The following PAPOLA variants were observed in gnomAD, a reference collection of about 807,000 sequenced individuals.
PAPOLA encodes the protein poly(A) polymerase alpha.
In PAPOLA, 15 loss-of-function variants were observed where a neutral mutation model predicts 100.6. That is an observed-to-expected ratio of 0.15 (90% CI 0.10 to 0.23). The LOEUF (loss-of-function observed/expected upper bound fraction) is 0.23. PAPOLA is among the 10% of genes least tolerant of loss of function. The probability of loss-of-function intolerance (pLI) is 1.00; values close to 1 mark genes in which losing one functional copy is unlikely to be tolerated. For synonymous variants in PAPOLA, 293 were observed against 300.0 expected, an observed-to-expected ratio of 0.98 and a Z score of 0.24; for missense variants, 533 against 884.2, an observed-to-expected ratio of 0.60 and a Z score of 5.04.
intron 12 of PAPOLA, among the ~76,000 whole-genome samples, chr14:96,541,130 C>T (rs1028841041): frequency 5.3e-5 from 8 of 152,094 alleles, no homozygotes; most frequent in Non-Finnish European, 1.2e-4. Context: ...CCTTGTGATC[C>T]GCCCGCCTCG....
chr14:96,508,699 GAGACCA>G (rs1896899496), intron 1 of PAPOLA, among the ~76,000 whole-genome samples: 1 of 152,166 alleles, frequency 6.6e-6, no homozygotes, highest in African/African-American at 2.4e-5. Context: ...CAGGTAAAAT[GAGACCA>G]TTTGGCTTCT....
intron 1 of PAPOLA, among the ~76,000 whole-genome samples, chr14:96,503,864 C>T (rs180880147): frequency 6.6e-6 from 1 of 152,204 alleles, no homozygotes; most frequent in East Asian, 1.9e-4. Flanking sequence ...TGGCACAGAC[C>T]TTAATGACTT....
intron 16 of PAPOLA, among the ~76,000 whole-genome samples, chr14:96,551,585 A>C (rs1433699145): frequency 2.6e-5 from 4 of 152,162 alleles, no homozygotes; most frequent in African/African-American, 9.7e-5. Context: ...TAAGGAATGT[A>C]TTTTTGTCAA....
At chr14:96,536,943 G>A (rs765160878) in intron 11 of PAPOLA, 33 bp from the exon 12 acceptor site, 3 of 1,169,464 alleles carry the variant, frequency 2.6e-6, no homozygotes, top group Non-Finnish European at 3.9e-6. Context: ...GTAGACTGAA[G>A]TATGCAAACA....
chr14:96,544,316 T>C, intron 15 of PAPOLA, 58 bp downstream of exon 15: 1 of 792,676 alleles, frequency 1.3e-6, no homozygotes, highest in South Asian at 1.5e-5. Flanking sequence ...CAAATTGTCT[T>C]GATGCATACC....
chr14:96,547,010 C>T (rs1257863345), intron 15 of PAPOLA, among the ~76,000 whole-genome samples: 1 of 152,122 alleles, frequency 6.6e-6, no homozygotes, highest in East Asian at 1.9e-4. Context: ...GCTGAGCTTC[C>T]TATCCTACTC....
intron 1 of PAPOLA, among the ~76,000 whole-genome samples, chr14:96,516,157 G>A (rs1262891858): frequency 2.0e-5 from 3 of 152,134 alleles, no homozygotes; most frequent in African/African-American, 7.2e-5. Flanking sequence ...AATATTTAAT[G>A]TTTCTACTTT....
Position 96,556,406 on chromosome 14 carries a change from C to G in PAPOLA, c.1997C>G (p.Thr666Arg). 2 of 1,589,662 alleles carry G rather than the reference C, an allele frequency of 1.3e-6. No individual in the cohort carries two copies. The highest frequency in any genetic ancestry group is 1.7e-6 in the Non-Finnish European group (2 of 1,158,058). Residue 666 changes from threonine to arginine, a missense_variant, in exon 19 of 22, where the codon ACA becomes AGA. Thr to Arg is a moderately conservative substitution (Grantham distance 71). Transcript: ENST00000216277. ...GAAGAGAGTCCCAAGAAAACCAAAA[C>G]AGAAGAGGTATATATATGAAAAACA... Reference protein sequence around the residue: ...HKEESPKKTKTEEDETSEDAN... With the variant: ...HKEESPKKTKREEDETSEDAN...
rs1179219766 is a variant in PAPOLA, at chr14:96,565,827, A to C, written c.*777A>C. On this transcript the variant is annotated 3_prime_UTR_variant, in exon 22 of 22. Transcript: ENST00000216277. ...TTGCCTTCAATCTGTTGTCTTCAAA[A>C]CAAACAAACAAAAAAAGCTTCTTGC... 5.0e-6 allele frequency: 2 copies of C among 396,884 alleles called. No individual in the cohort carries two copies. The highest frequency in any genetic ancestry group is 4.2e-5 in the African/African-American group (2 of 48,134). The allele number at this position is 396,884 out of a possible 1,614,324, so 24.6% of individuals were successfully genotyped here. A position where few individuals can be genotyped will look rare whatever the true frequency, so the allele number is the denominator to read the frequency against.
intron 1 of PAPOLA, among the ~76,000 whole-genome samples, chr14:96,519,095 CTT>C (rs75219128): frequency 1.4e-5 from 2 of 143,314 alleles, no homozygotes. Context: ...GTAAAATACA[CTT>C]TTTTTTTTTT....
intron 16 of PAPOLA, 33 bp downstream of exon 16, chr14:96,547,951 T>G (rs1287318150): frequency 1.9e-6 from 3 of 1,543,362 alleles, no homozygotes; most frequent in Non-Finnish European, 2.7e-6. Context: ...AAAGCATTAC[T>G]AACATAATGT....
At chr14:96,542,112 A>T in intron 12 of PAPOLA, 131 bp from the exon 13 acceptor site, 1 of 524,456 alleles carries the variant, frequency 1.9e-6, no homozygotes, top group Non-Finnish European at 3.4e-6. Context: ...TTATGTGCAT[A>T]TTGAGATTGT....
At chr14:96,542,938 T>A (rs1900111700) in intron 14 of PAPOLA, 45 bp downstream of exon 14, 2 of 1,601,784 alleles carry the variant, frequency 1.2e-6, no homozygotes, top group Non-Finnish European at 1.7e-6. Context: ...TTTCCAATTT[T>A]TATTCATAGA....
chr14:96,557,746 C>CTTTTTTTTTTTTTTTTT (rs775920112), intron 19 of PAPOLA, among the ~76,000 whole-genome samples: 1 of 132,678 alleles, frequency 7.5e-6, no homozygotes. Context: ...CTTTTTCTTT[C>CTTTTTTTTTTTTTTTTT]TTTTTTTTTT....
intron 12 of PAPOLA, among the ~76,000 whole-genome samples, chr14:96,539,638 C>G (rs569280063): frequency 1.2e-4 from 19 of 152,170 alleles, no homozygotes; most frequent in African/African-American, 4.6e-4. Context: ...ATCAAGACTT[C>G]AAAGTCTCGC....
In PAPOLA at chr14:96,520,117, C is replaced by T; in HGVS notation, c.71C>T (p.Ser24Phe). 1 of 1,613,970 alleles carries T rather than the reference C, an allele frequency of 6.2e-7. No homozygotes were observed. Among genetic ancestry groups the T allele is most frequent in the Non-Finnish European group, 8.5e-7 (1 of 1,179,866 alleles). The change falls in exon 2 of 22, where the codon TCT becomes TTT. Residue 24 changes from serine to phenylalanine, a missense_variant. By Grantham distance (155) the Ser-to-Phe change is radical. Transcript: ENST00000216277. ...QPPQKHYGIT[S>F]PISLAAPKET... ...CCACAGAAGCACTATGGCATTACTT[C>T]TCCTATCAGCTTAGCAGCCCCCAAG... is the stretch of plus-strand genomic sequence containing the variant.
At chr14:96,519,996 T>A in intron 1 of PAPOLA, 59 bp from the exon 2 acceptor site, 1 of 1,386,352 alleles carries the variant, frequency 7.2e-7, no homozygotes, top group Non-Finnish European at 9.9e-7. Flanking sequence ...CTGGTCTTAC[T>A]GATTTGTTTC....
chr14:96,513,814 T>A (rs1197810001), intron 1 of PAPOLA, among the ~76,000 whole-genome samples: 1 of 152,228 alleles, frequency 6.6e-6, no homozygotes, highest in Non-Finnish European at 1.5e-5. Context: ...TATTTTCTCC[T>A]TTTATCATTT....
chr14:96,549,143 T>C lies in PAPOLA; in HGVS notation c.1521+1225T>C, dbSNP rs76913521. 9.0e-3 allele frequency among the ~76,000 whole-genome samples: 1,364 copies of C among 152,320 alleles called. 25 individuals are homozygous for C. The highest frequency in any genetic ancestry group is 0.031 in the African/African-American group (1,287 of 41,570). On this transcript the variant is annotated intron_variant, in intron 16 of 21. Coordinates refer to ENST00000216277, the MANE Select transcript of PAPOLA (RefSeq NM_032632.5). ...TCCTGGCACATAATAAATGCTCATATTGGCTTTTGTTATCACCATCATTGT... is the reference window on the plus strand; with the variant it reads ...TCCTGGCACATAATAAATGCTCATACTGGCTTTTGTTATCACCATCATTGT...
Sources: allele counts gnomAD v4.1 joint callset (sites outside exome capture counted in the v4.1 genomes callset), GRCh38; gene constraint gnomAD v4.1.1; transcripts MANE v1.5; gene names NCBI Gene and HGNC (gene_info 2026-07-23, HGNC 2026-07-21).